The following EDNRA variants were observed in gnomAD, a reference collection of about 807,000 sequenced individuals.
EDNRA encodes the protein endothelin receptor type A.
A neutral mutation model predicts 41.4 loss-of-function variants in EDNRA; 11 were observed. The ratio of observed to expected loss-of-function variants is 0.27; its 90% CI spans 0.17 to 0.44. The LOEUF is 0.44. Among genes scored for constraint, EDNRA ranks in the 20% least tolerant of loss-of-function variants. The pLI, the probability that EDNRA is intolerant of heterozygous loss-of-function variation, is 1.00. For missense variants in EDNRA, 294 were observed against 531.0 expected, an observed-to-expected ratio of 0.55 and a Z score of 4.39; for synonymous variants, 172 against 183.0, an observed-to-expected ratio of 0.94 and a Z score of 0.49.
intron 2 of EDNRA, among the ~76,000 whole-genome samples, chr4:147,501,489 G>T (rs1729515494): frequency 6.6e-6 from 1 of 152,198 alleles, no homozygotes; most frequent in South Asian, 2.1e-4. Flanking sequence ...CTTCCTCTTA[G>T]ACCAGTCCTG....
At chr4:147,523,658 T>G (rs1291261691) in intron 3 of EDNRA, among the ~76,000 whole-genome samples, 1 of 151,874 alleles carries the variant, frequency 6.6e-6, no homozygotes, top group Non-Finnish European at 1.5e-5. Flanking sequence ...GCCCGGCTTA[T>G]TTTTTGTATT....
chr4:147,493,633 C>A (rs1388899853), intron 2 of EDNRA: 1 of 152,084 alleles, frequency 6.6e-6, no homozygotes, highest in African/African-American at 2.4e-5. Flanking sequence ...TTATTCTTAA[C>A]TAGGTCTAGT....
intron 3 of EDNRA, among the ~76,000 whole-genome samples, chr4:147,526,682 C>A (rs1432784174): frequency 1.3e-5 from 2 of 152,208 alleles, no homozygotes; most frequent in Non-Finnish European, 2.9e-5. Context: ...ATTGGCCAAG[C>A]AGTTGCAGTG....
At chr4:147,536,086 C>T in intron 5 of EDNRA, 57 bp downstream of exon 5, 3 of 1,586,296 alleles carry the variant, frequency 1.9e-6, no homozygotes, top group Non-Finnish European at 2.6e-6. Flanking sequence ...TTGACAGCAG[C>T]AGGCCTGCAA....
At chr4:147,538,566 C>CA (rs1730992200) in intron 5 of EDNRA, among the ~76,000 whole-genome samples, 1 of 152,198 alleles carries the variant, frequency 6.6e-6, no homozygotes. Context: ...TCCCCTAATA[C>CA]ACTGCTTTTC....
chr4:147,520,727 A>T (rs1193616227), intron 3 of EDNRA, among the ~76,000 whole-genome samples: 2 of 152,244 alleles, frequency 1.3e-5, no homozygotes, highest in African/African-American at 4.8e-5. Context: ...ATTAGCCTAC[A>T]TACAATTTAG....
rs1458898688 is a variant in EDNRA at position 147,485,311 on chromosome 4, T to TA, written c.-70-300dup. On this transcript the variant is annotated intron_variant, in intron 1 of 7. Transcript: ENST00000651419. ...ATGGAGATAGAGCTAGAGATGGAAA[T>TA]AGAGACAGAGATAGATAGCTATAGA... is the stretch of plus-strand genomic sequence containing the variant. Among the ~76,000 whole-genome samples, 5 of 150,764 alleles carry TA rather than the reference T, an allele frequency of 3.3e-5. No individual in the cohort carries two copies. The East Asian group carries it at 7.9e-4, about 24-fold the overall frequency.
intron 2 of EDNRA, chr4:147,489,262 A>G (rs4835410): frequency 0.41 from 61,978 of 151,952 alleles, 14,849 homozygotes; most frequent in African/African-American, 0.68. Flanking sequence ...TCCATCACAA[A>G]AATAATATAC....
At chr4:147,521,364 A>G (rs1416958440) in intron 3 of EDNRA, among the ~76,000 whole-genome samples, 1 of 152,192 alleles carries the variant, frequency 6.6e-6, no homozygotes, top group East Asian at 1.9e-4. Flanking sequence ...TATTAATAAT[A>G]CCCTTCAGTG....
chr4:147,529,323 A>G (rs1730667336), intron 3 of EDNRA, among the ~76,000 whole-genome samples: 1 of 152,188 alleles, frequency 6.6e-6, no homozygotes, highest in African/African-American at 2.4e-5. Flanking sequence ...TCTAGAGTTA[A>G]AGGTGAGGCA....
chr4:147,489,642 G>C (rs1031354705), intron 2 of EDNRA: 1 of 152,166 alleles, frequency 6.6e-6, no homozygotes, highest in African/African-American at 2.4e-5. Context: ...AACCTGTGTA[G>C]CTGATGCTTG....
rs111708657 is a variant in EDNRA, at chr4:147,541,454, C to T, written c.1143+969C>T. On this transcript the variant is annotated intron_variant, in intron 7 of 7. Transcript: ENST00000651419. ...AAGAGCCTCGATGGACATTACAGCC[C>T]TGCACTTGCTAACTATCTACCCCAG... Among the ~76,000 whole-genome samples the T allele has an allele frequency of 5.2e-3, 799 of 152,310 alleles. 5 individuals carry two copies. The highest frequency in any genetic ancestry group is 0.018 in the African/African-American group (757 of 41,554).
intron 7 of EDNRA, among the ~76,000 whole-genome samples, chr4:147,541,045 G>A (rs900775979): frequency 7.4e-6 from 1 of 135,498 alleles, no homozygotes; most frequent in African/African-American, 2.8e-5. Context: ...TCCAGCCTGG[G>A]CGACAGAGCC....
rs570762930 is a variant in EDNRA at position 147,481,574 on chromosome 4, C to G, written c.-71+198C>G. The stretch of plus-strand genomic sequence containing the variant: ...GGCGCGCGGGGAGGCGGGCGCCTTC[C>G]GTGAGGGGTGCGCTGCGGACACGTG... On this transcript the variant is annotated intron_variant, in intron 1 of 7. Transcript: ENST00000651419. 3.3e-3 allele frequency among the ~76,000 whole-genome samples: 505 copies of G among 152,344 alleles called. 2 individuals carry two copies. Among genetic ancestry groups the G allele is most frequent in the African/African-American group, 0.011 (478 of 41,586 alleles).
At position 147,543,975 on chromosome 4, in the gene EDNRA, C is replaced by CTT. The variant is rs1285038440; in HGVS notation, c.*1360_*1361dup. The CTT allele has an allele frequency of 6.6e-6, 1 of 152,366 alleles. No homozygotes were observed. Among genetic ancestry groups the CTT allele is most frequent in the Non-Finnish European group, 1.5e-5 (1 of 68,006 alleles). The allele number at this position is 152,366 out of a possible 1,614,324, so 9.4% of individuals were successfully genotyped here. On this transcript the variant is annotated 3_prime_UTR_variant, in exon 8 of 8. Coordinates refer to ENST00000651419, the MANE Select transcript of EDNRA (RefSeq NM_001957.4). ...ACAGACTGTGAGTACAGCAGAAAAT[C>CTT]TTTTACTAGTGTGTGTGTGTATATA...
chr4:147,491,888 G>T (rs1171267897), intron 2 of EDNRA: 5 of 152,202 alleles, frequency 3.3e-5, no homozygotes, highest in Non-Finnish European at 7.3e-5. Flanking sequence ...ATTCCAGCTA[G>T]ATGTTTTCCC....
intron 4 of EDNRA, among the ~76,000 whole-genome samples, chr4:147,534,912 C>A (rs1487435990): frequency 6.6e-6 from 1 of 152,084 alleles, no homozygotes; most frequent in Non-Finnish European, 1.5e-5. Context: ...CTTTAGGAAC[C>A]ATTTTTAGAT....
intron 2 of EDNRA, among the ~76,000 whole-genome samples, chr4:147,514,905 C>T (rs145537622): frequency 2.3e-3 from 354 of 152,292 alleles, no homozygotes; most frequent in Non-Finnish European, 4.1e-3. Context: ...GGTTGGTGAG[C>T]CAGCAGCATC....
At chr4:147,505,646 G>GTT (rs70958567) in intron 2 of EDNRA, among the ~76,000 whole-genome samples, 1,121 of 105,212 alleles carry the variant, frequency 0.011, 45 homozygotes, top group African/African-American at 0.039. Context: ...CCCGCCGGCA[G>GTT]TTTTTTTTTT....
Sources: allele counts gnomAD v4.1 joint callset (sites outside exome capture counted in the v4.1 genomes callset), GRCh38; gene constraint gnomAD v4.1.1; transcripts MANE v1.5; gene names NCBI Gene and HGNC (gene_info 2026-07-23, HGNC 2026-07-21).